TPP2: variants seen among roughly 807,000 people sequenced by gnomAD.
The protein encoded by TPP2 is tripeptidyl peptidase 2.
TPP2 carries 34 observed loss-of-function variants against 155.9 expected under a neutral mutation model. The ratio of observed to expected loss-of-function variants is 0.22; its 90% CI spans 0.17 to 0.29. TPP2 has a LOEUF of 0.29. Ranked by LOEUF, TPP2 falls within the 10% of genes least tolerant of loss-of-function variation. The pLI is 1.00. For synonymous variants in TPP2, 510 were observed against 529.4 expected (o/e 0.96, Z 0.50); for missense variants, 1,028 against 1,522.3 (o/e 0.68, Z 5.40).
intron 5 of TPP2, among the ~76,000 whole-genome samples, chr13:102,621,816 A>G (rs1181885160): frequency 6.6e-6 from 1 of 152,172 alleles, no homozygotes. Context: ...GACTTCCAGG[A>G]TGGATGCTGG....
Position 102,616,399 on chromosome 13 carries a change from G to A in TPP2, c.394G>A (p.Glu132Lys), listed in dbSNP as rs759089009. The change falls in exon 4 of 30, where the codon GAA becomes AAA. Residue 132 changes from glutamate to lysine, a missense_variant. Around this residue, in one of 7 missense-constraint regions of TPP2, gnomAD observed 300 missense variants for 398.3 expected, o/e 0.75. Transcript: ENST00000376052. ...GGTAATTTTTCTGTCTTTGCAGAAA[G>A]AACGGAAGGAAAAAATCTGGGACCC... ...PKALKERIQK[E>K]RKEKIWDPVH... The A allele has an allele frequency of 2.7e-5, 43 of 1,609,198 alleles. No individual in the cohort carries two copies. Among genetic ancestry groups the A allele is most frequent in the Non-Finnish European group, 3.5e-5 (41 of 1,178,376 alleles).
intron 19 of TPP2, 44 bp from the exon 20 acceptor site, chr13:102,646,250 A>G (rs767445333): frequency 2.6e-6 from 4 of 1,514,294 alleles, no homozygotes; most frequent in Non-Finnish European, 3.6e-6. Flanking sequence ...GTCTCATTCA[A>G]TGAACTCTTG....
At chr13:102,657,645 G>A (rs960864463) in intron 25 of TPP2, among the ~76,000 whole-genome samples, 1 of 151,940 alleles carries the variant, frequency 6.6e-6, no homozygotes, top group Non-Finnish European at 1.5e-5. Flanking sequence ...TGTCTGTGTT[G>A]TATATGGTTC....
chr13:102,623,835 C>T (rs1385150825), intron 6 of TPP2, among the ~76,000 whole-genome samples: 3 of 152,160 alleles, frequency 2.0e-5, no homozygotes, highest in African/African-American at 4.8e-5. Context: ...GCTCAAGTAC[C>T]TGATACAAAA....
chr13:102,625,673 A>AG (rs1246502092), intron 6 of TPP2, among the ~76,000 whole-genome samples: 4 of 152,214 alleles, frequency 2.6e-5, no homozygotes, highest in Non-Finnish European at 4.4e-5. Context: ...GAAAGAAATA[A>AG]GAAAGCCAGA....
chr13:102,618,921 G>A (rs778603634), intron 5 of TPP2, 75 bp downstream of exon 5: 277 of 1,483,348 alleles, frequency 1.9e-4, no homozygotes, highest in Non-Finnish European at 2.4e-4. Context: ...TAAATGCTCA[G>A]AGCTGCACAG....
At chr13:102,607,388 G>C (rs2139420208) in intron 2 of TPP2, among the ~76,000 whole-genome samples, 1 of 152,306 alleles carries the variant, frequency 6.6e-6, no homozygotes. Flanking sequence ...GAGCATTTCA[G>C]ATTTTCGGGT....
rs143691984 is a variant in TPP2, at chr13:102,679,470, A to G, written c.*1154A>G. On this transcript the variant is annotated 3_prime_UTR_variant, in exon 30 of 30. Coordinates refer to ENST00000376052, the MANE Select transcript of TPP2 (RefSeq NM_001330588.2). ...CCTTATCTAATGGCAAATTGTGTGT[A>G]TGTATGATTTTTTTATCTTGTTCTC... 7.0e-4 allele frequency: 107 copies of G among 152,306 alleles called. No homozygotes were observed. The highest frequency in any genetic ancestry group is 2.5e-3 in the African/African-American group (103 of 41,560). 9.4% of individuals were successfully genotyped at this position (152,306 alleles called of 1,614,324 possible).
At chr13:102,666,687 A>G (rs932292548) in intron 27 of TPP2, among the ~76,000 whole-genome samples, 2 of 151,394 alleles carry the variant, frequency 1.3e-5, no homozygotes, top group Non-Finnish European at 2.9e-5. Flanking sequence ...AGGAAACTCA[A>G]TCTCAGCTTA....
At chr13:102,651,243 T>TGTG in intron 23 of TPP2, 116 bp from the exon 24 acceptor site, 3 of 1,132,822 alleles carry the variant, frequency 2.6e-6, no homozygotes, top group Non-Finnish European at 3.7e-6. Flanking sequence ...GACCTGAGCC[T>TGTG]TCTAAGTGGT....
chr13:102,667,108 G>A (rs916355165), intron 27 of TPP2, among the ~76,000 whole-genome samples: 1 of 152,094 alleles, frequency 6.6e-6, no homozygotes, highest in African/African-American at 2.4e-5. Flanking sequence ...TCATCTATGG[G>A]CAAGTAGCAG....
chr13:102,666,766 C>CTTTTTTTTT lies in TPP2; in HGVS notation c.3371+1858_3371+1866dup. ...TGGTCTTTATCACTGTTTTTAATCTCTTTTTTTTTTTTTTTTTTTTTTTTT... is the reference window on the plus strand; with the variant it reads ...TGGTCTTTATCACTGTTTTTAATCTCTTTTTTTTTTTTTTTTTTTTTTTTTTTTTTTTTT... On this transcript the variant is annotated intron_variant, in intron 27 of 29. Coordinates refer to ENST00000376052, the MANE Select transcript of TPP2 (RefSeq NM_001330588.2). Among the ~76,000 whole-genome samples the CTTTTTTTTT allele has an allele frequency of 4.8e-3, 265 of 55,746 alleles. 2 individuals carry two copies. The highest frequency in any genetic ancestry group is 5.9e-3 in the African/African-American group (77 of 13,054). 36.6% of individuals were successfully genotyped at this position (55,746 alleles called of 152,430 possible). A position where few individuals can be genotyped will look rare whatever the true frequency, so the allele number is the denominator to read the frequency against.
chr13:102,643,476 G>A (rs572907289), intron 17 of TPP2, 100 bp downstream of exon 17: 82 of 1,167,264 alleles, frequency 7.0e-5, no homozygotes, highest in Non-Finnish European at 9.0e-5. Flanking sequence ...TTTGTATTTA[G>A]CATGTTGGGA....
At chr13:102,662,655 C>T (rs1442457317) in intron 25 of TPP2, among the ~76,000 whole-genome samples, 1 of 152,074 alleles carries the variant, frequency 6.6e-6, no homozygotes, top group Admixed American at 6.6e-5. Flanking sequence ...ATTTTGTTGT[C>T]TACAAGTTAA....
At chr13:102,639,052 G>A (rs1882578623) in intron 15 of TPP2, among the ~76,000 whole-genome samples, 1 of 152,200 alleles carries the variant, frequency 6.6e-6, no homozygotes, top group Admixed American at 6.5e-5. Flanking sequence ...ATGACCAGGT[G>A]CATTCCTGGT....
In TPP2 at chr13:102,678,976, A is replaced by G. The variant is rs909335352; in HGVS notation, c.*660A>G. The G allele has an allele frequency of 8.5e-5, 13 of 152,602 alleles. No homozygotes were observed. The highest frequency in any genetic ancestry group is 2.2e-4 in the African/African-American group (9 of 41,430). 9.5% of individuals were successfully genotyped at this position (152,602 alleles called of 1,614,324 possible). ...GGTTCAGAGCATCAGAATGAACTCTATGAATACATGTGTAAGTGCCAGACA... is the reference window on the plus strand; with the variant it reads ...GGTTCAGAGCATCAGAATGAACTCTGTGAATACATGTGTAAGTGCCAGACA... On this transcript the variant is annotated 3_prime_UTR_variant, in exon 30 of 30. Coordinates refer to ENST00000376052, the MANE Select transcript of TPP2 (RefSeq NM_001330588.2).
intron 16 of TPP2, among the ~76,000 whole-genome samples, chr13:102,641,694 G>A (rs949937481): frequency 3.3e-5 from 5 of 152,010 alleles, no homozygotes; most frequent in Admixed American, 3.3e-4. Context: ...TTGTAATTAG[G>A]TAAAGGCAAA....
chr13:102,670,171 T>TC (rs1555306226), intron 27 of TPP2, among the ~76,000 whole-genome samples: 6 of 151,260 alleles, frequency 4.0e-5, no homozygotes, highest in Non-Finnish European at 7.4e-5. Flanking sequence ...GTATTGTGGG[T>TC]GGGGGGGTGT....
intron 16 of TPP2, among the ~76,000 whole-genome samples, chr13:102,641,467 T>A (rs976421253): frequency 3.9e-5 from 6 of 152,342 alleles, no homozygotes; most frequent in African/African-American, 1.2e-4. Flanking sequence ...GCTTGTATTT[T>A]ACTTAGGAGT....
Sources: allele counts gnomAD v4.1 joint callset (sites outside exome capture counted in the v4.1 genomes callset), GRCh38; gene constraint gnomAD v4.1.1; regional missense constraint gnomAD v4.1.1; transcripts MANE v1.5; gene names NCBI Gene and HGNC (gene_info 2026-07-23, HGNC 2026-07-21).